SRBD1: variants seen among roughly 807,000 people sequenced by gnomAD.
The protein encoded by SRBD1 is S1 RNA binding domain 1, also known as S1 RNA-binding domain-containing protein 1.
Under a neutral mutation model 115.3 loss-of-function variants are expected in SRBD1, and 88 were observed. That is an observed-to-expected ratio of 0.76 (90% CI 0.64 to 0.91). SRBD1 has a LOEUF of 0.91. Ranked by LOEUF, SRBD1 falls within the 40% of genes least tolerant of loss-of-function variation. The probability of loss-of-function intolerance (pLI) is 0.00; values close to 1 mark genes in which losing one functional copy is unlikely to be tolerated. For missense variants in SRBD1, 1,385 were observed against 1,177.4 expected (o/e 1.18, Z -2.58); for synonymous variants, 509 against 407.7 (o/e 1.25, Z -2.99).
chr2:45,395,522 C>A (rs945998387), intron 19 of SRBD1, among the ~76,000 whole-genome samples: 1 of 152,212 alleles, frequency 6.6e-6, no homozygotes, highest in African/African-American at 2.4e-5. Flanking sequence ...CATTCTCACA[C>A]ATATAAGCCT....
intron 19 of SRBD1, among the ~76,000 whole-genome samples, chr2:45,396,794 C>G: frequency 6.6e-6 from 1 of 152,246 alleles, no homozygotes; most frequent in East Asian, 1.9e-4. Flanking sequence ...GTCATCATTT[C>G]CAGCATGGAG....
intron 16 of SRBD1, among the ~76,000 whole-genome samples, chr2:45,460,597 G>T (rs778955258): frequency 6.6e-6 from 1 of 152,080 alleles, no homozygotes; most frequent in Non-Finnish European, 1.5e-5. Context: ...GTTTGTGGTG[G>T]GCATTTAGAA....
At chr2:45,607,759 C>T (rs182524802) in intron 1 of SRBD1, among the ~76,000 whole-genome samples, 29 of 152,264 alleles carry the variant, frequency 1.9e-4, no homozygotes, top group Non-Finnish European at 3.4e-4. Flanking sequence ...TAGGCAACTG[C>T]CCCAGGAAAA....
intron 14 of SRBD1, among the ~76,000 whole-genome samples, chr2:45,507,656 G>A (rs1670837631): frequency 6.6e-6 from 1 of 151,802 alleles, no homozygotes; most frequent in African/African-American, 2.4e-5. Flanking sequence ...AAGAGGTGGA[G>A]GTACAGTGAG....
At chr2:45,399,917 A>C (rs1667247538) in intron 19 of SRBD1, among the ~76,000 whole-genome samples, 1 of 152,172 alleles carries the variant, frequency 6.6e-6, no homozygotes, top group Non-Finnish European at 1.5e-5. Flanking sequence ...AGGGCAAATT[A>C]AAAAAGTAGT....
intron 14 of SRBD1, among the ~76,000 whole-genome samples, chr2:45,504,710 A>G (rs563769601): frequency 1.3e-5 from 2 of 152,304 alleles, no homozygotes; most frequent in South Asian, 4.2e-4. Flanking sequence ...ATTACTAATC[A>G]GTCCTCTAGA....
At chr2:45,514,936 G>T (rs1333226514) in intron 14 of SRBD1, among the ~76,000 whole-genome samples, 1 of 152,106 alleles carries the variant, frequency 6.6e-6, no homozygotes, top group African/African-American at 2.4e-5. Context: ...AGCTGTAACA[G>T]ACCATATTCT....
intron 14 of SRBD1, among the ~76,000 whole-genome samples, chr2:45,535,681 T>C (rs937143495): frequency 6.6e-6 from 1 of 152,042 alleles, no homozygotes; most frequent in Non-Finnish European, 1.5e-5. Flanking sequence ...ATTTTAATTA[T>C]GTTTTAGTTT....
chr2:45,450,907 A>G (rs1249286281), intron 16 of SRBD1, among the ~76,000 whole-genome samples: 1 of 152,124 alleles, frequency 6.6e-6, no homozygotes, highest in Non-Finnish European at 1.5e-5. Context: ...ATCAAATCTG[A>G]GCATAAGTGG....
intron 15 of SRBD1, among the ~76,000 whole-genome samples, chr2:45,478,387 A>G (rs1364339619): frequency 8.5e-5 from 13 of 152,226 alleles, no homozygotes; most frequent in Admixed American, 8.5e-4. Context: ...CAAGTTCAAC[A>G]CATGATCATT....
Position 45,551,161 on chromosome 2 carries a change from T to C in SRBD1, c.1639A>G (p.Lys547Glu). The change falls in exon 12 of 21, where the codon AAA (lysine) becomes GAA (glutamate). Residue 547 changes from lysine to glutamate, a missense_variant. Physicochemically the swap from Lys to Glu is moderately conservative, Grantham distance 56. Transcript: ENST00000263736. The stretch of plus-strand genomic sequence containing the variant: ...ATTATAGCTAATTTGCAACCATGTT[T>C]ATAACCAGGATCCACTCCCATTAAG... ...RTLMGVDPGY[K>E]HGCKLAIISP... 1.2e-6 allele frequency: 2 copies of C among 1,602,668 alleles called. No homozygotes were observed. The highest frequency in any genetic ancestry group is 1.7e-6 in the Non-Finnish European group (2 of 1,177,546).
intron 15 of SRBD1, among the ~76,000 whole-genome samples, chr2:45,478,878 T>C (rs1669879788): frequency 6.6e-6 from 1 of 152,212 alleles, no homozygotes; most frequent in South Asian, 2.1e-4. Context: ...GACACCACAT[T>C]TCTTCCAAGT....
chr2:45,495,909 A>AT (rs1339405769), intron 14 of SRBD1, among the ~76,000 whole-genome samples: 2 of 152,332 alleles, frequency 1.3e-5, no homozygotes, highest in Admixed American at 6.5e-5. Context: ...AAAACATGGT[A>AT]TGTCAACCCA....
At chr2:45,418,625 T>A (rs1306584692) in intron 17 of SRBD1, 84 bp from the exon 18 acceptor site, 13 of 1,196,518 alleles carry the variant, frequency 1.1e-5, no homozygotes, top group African/African-American at 1.6e-5. Flanking sequence ...TAAAAACGAC[T>A]GCAATGACAT....
Position 45,548,717 on chromosome 2 carries a change from CA to C in SRBD1, c.1676-1106del, listed in dbSNP as rs60205757. Among the ~76,000 whole-genome samples, 40 of 139,978 alleles carry C rather than the reference CA, an allele frequency of 2.9e-4. No individual in the cohort carries two copies. The East Asian group carries it at 2.9e-3, about 10-fold the overall frequency. The allele number at this position is 139,978 out of a possible 152,430, so 91.8% of individuals were successfully genotyped here. ...AAGCCACATGATATATGAACAGATGCAAAAAAAAAAAACACTGATAAAATAT... is the reference window on the plus strand; with the variant it reads ...AAGCCACATGATATATGAACAGATGCAAAAAAAAAAACACTGATAAAATAT... On this transcript the variant is annotated intron_variant, in intron 12 of 20. Transcript: ENST00000263736.
Position 45,551,114 on chromosome 2 carries a change from A to T in SRBD1, c.1675+11T>A. ...AACAACTTTTACATGGAAAATTGCA[A>T]GACAACTTACTAGTAGGAGAAATTA... On this transcript the variant is annotated intron_variant, in intron 12 of 20. Coordinates refer to ENST00000263736, the MANE Select transcript of SRBD1 (RefSeq NM_018079.5). 1 of 1,580,028 alleles carries T rather than the reference A, an allele frequency of 6.3e-7. No individual in the cohort carries two copies. Among genetic ancestry groups the T allele is most frequent in the Non-Finnish European group, 8.6e-7 (1 of 1,168,958 alleles).
intron 14 of SRBD1, among the ~76,000 whole-genome samples, chr2:45,506,372 A>T (rs1670797725): frequency 6.6e-6 from 1 of 152,210 alleles, no homozygotes; most frequent in Admixed American, 6.5e-5. Flanking sequence ...AGGAGCCAGG[A>T]CTTTACTTGT....
intron 19 of SRBD1, among the ~76,000 whole-genome samples, chr2:45,399,499 G>C (rs1667236160): frequency 6.6e-6 from 1 of 152,066 alleles, no homozygotes; most frequent in Non-Finnish European, 1.5e-5. Context: ...ATGTAGATTT[G>C]CTGATAAGAA....
At chr2:45,565,303 C>T (rs1274669552) in intron 9 of SRBD1, among the ~76,000 whole-genome samples, 1 of 152,104 alleles carries the variant, frequency 6.6e-6, no homozygotes, top group Non-Finnish European at 1.5e-5. Flanking sequence ...GGAATAGAAT[C>T]GGAGTCCAGA....
Sources: allele counts gnomAD v4.1 joint callset (sites outside exome capture counted in the v4.1 genomes callset), GRCh38; gene constraint gnomAD v4.1.1; transcripts MANE v1.5; gene names NCBI Gene and HGNC (gene_info 2026-07-23, HGNC 2026-07-21).